The following QTMAN variants were observed in gnomAD, a reference collection of about 807,000 sequenced individuals.
QTMAN encodes the protein queuosine-tRNA mannosyltransferase, also known as tRNA-queuosine alpha-mannosyltransferase.
the QTMAN span, among the ~76,000 whole-genome samples, chr2:144,023,513 G>A: frequency 6.6e-6 from 1 of 152,226 alleles, no homozygotes; most frequent in Middle Eastern, 3.4e-3. Flanking sequence ...TTGCACATTG[G>A]TTGTTTACAG....
chr2:144,309,262 G>A, the QTMAN span, among the ~76,000 whole-genome samples: 1 of 152,210 alleles, frequency 6.6e-6, no homozygotes, highest in East Asian at 1.9e-4. Flanking sequence ...TTTTACTATT[G>A]AGTAATCAAC....
chr2:144,224,857 C>T, the QTMAN span, among the ~76,000 whole-genome samples: 1 of 152,024 alleles, frequency 6.6e-6, no homozygotes, highest in African/African-American at 2.4e-5. Flanking sequence ...TATCATGACC[C>T]AAATATAGTC....
At chr2:144,126,932 T>C in the QTMAN span, among the ~76,000 whole-genome samples, 6,739 of 152,134 alleles carry the variant, frequency 0.044, 500 homozygotes, top group African/African-American at 0.15. Flanking sequence ...TAGCTCTGGG[T>C]ATATTATTTG....
At chr2:143,970,844 AT>A in the QTMAN span, 3 of 764,766 alleles carry the variant, frequency 3.9e-6, no homozygotes, top group African/African-American at 1.8e-5. Flanking sequence ...TACAGTATCA[AT>A]TTTTTTCATG....
At chr2:144,187,503 C>T in the QTMAN span, among the ~76,000 whole-genome samples, 12 of 152,268 alleles carry the variant, frequency 7.9e-5, no homozygotes, top group South Asian at 2.1e-4. Flanking sequence ...CCACTTTCCA[C>T]GCTACCACAT....
the QTMAN span, among the ~76,000 whole-genome samples, chr2:144,226,651 C>T: frequency 6.6e-6 from 1 of 152,098 alleles, no homozygotes; most frequent in Non-Finnish European, 1.5e-5. Context: ...GAATTAAGTT[C>T]TATCCATGCA....
the QTMAN span, among the ~76,000 whole-genome samples, chr2:144,267,770 A>G: frequency 1.3e-5 from 2 of 152,174 alleles, no homozygotes; most frequent in African/African-American, 2.4e-5. Context: ...TGAAAGACAA[A>G]AAGAGAGAGA....
At chr2:144,155,396 A>G in the QTMAN span, among the ~76,000 whole-genome samples, 1 of 152,326 alleles carries the variant, frequency 6.6e-6, no homozygotes, top group East Asian at 1.9e-4. Context: ...TGTGCTGGGA[A>G]CACTTCATAT....
the QTMAN span, among the ~76,000 whole-genome samples, chr2:144,025,090 A>T: frequency 2.0e-5 from 3 of 152,224 alleles, no homozygotes; most frequent in Non-Finnish European, 4.4e-5. Context: ...AACGCTAAAC[A>T]GAGGTGCTAG....
chr2:144,330,635 T>C, the QTMAN span, among the ~76,000 whole-genome samples: 1 of 152,230 alleles, frequency 6.6e-6, no homozygotes, highest in African/African-American at 2.4e-5. Flanking sequence ...GGCATTTTAA[T>C]CTAATGGGTC....
the QTMAN span, among the ~76,000 whole-genome samples, chr2:144,221,972 A>T: frequency 6.6e-6 from 1 of 152,220 alleles, no homozygotes; most frequent in Non-Finnish European, 1.5e-5. Context: ...CTGAGGCTGT[A>T]CTTTGACAGT....
chr2:144,089,957 A>C, the QTMAN span, among the ~76,000 whole-genome samples: 3 of 152,192 alleles, frequency 2.0e-5, no homozygotes, highest in East Asian at 5.8e-4. Flanking sequence ...TACATGTAAC[A>C]AAATTTCACA....
chr2:144,254,398 G>T, the QTMAN span, among the ~76,000 whole-genome samples: 2 of 152,072 alleles, frequency 1.3e-5, no homozygotes, highest in African/African-American at 4.8e-5. Context: ...CTCCAGCCTG[G>T]GTGACAGGGT....
the QTMAN span, among the ~76,000 whole-genome samples, chr2:144,159,055 A>G: frequency 6.6e-6 from 1 of 152,204 alleles, no homozygotes; most frequent in East Asian, 1.9e-4. Flanking sequence ...CAATAATACA[A>G]AAAGGATTTG....
chr2:143,947,150 A>T, the QTMAN span: 1 of 1,584,534 alleles, frequency 6.3e-7, no homozygotes, highest in East Asian at 2.2e-5. Flanking sequence ...AACGAGGAGG[A>T]GGGAGAGAAG....
At chr2:143,994,809 G>A in the QTMAN span, among the ~76,000 whole-genome samples, 1 of 152,182 alleles carries the variant, frequency 6.6e-6, no homozygotes, top group Non-Finnish European at 1.5e-5. Flanking sequence ...AAACTGGACT[G>A]TGGGATAGTT....
the QTMAN span, among the ~76,000 whole-genome samples, chr2:144,268,912 C>T: frequency 6.6e-6 from 1 of 152,144 alleles, no homozygotes; most frequent in South Asian, 2.1e-4. Context: ...GCCCCAGCCT[C>T]CCGAGTAGCT....
At chr2:144,252,118 G>C in the QTMAN span, among the ~76,000 whole-genome samples, 1 of 152,250 alleles carries the variant, frequency 6.6e-6, no homozygotes, top group African/African-American at 2.4e-5. Context: ...TGTAATCCCA[G>C]AATTTTGGGA....
the QTMAN span, chr2:144,177,252 TAAAA>T: frequency 1.7e-6 from 1 of 583,586 alleles, no homozygotes; most frequent in Non-Finnish European, 3.0e-6. Context: ...TTGATCCCAA[TAAAA>T]AAAAAAAAAA....
Sources: gnomAD v4.1 joint callset for allele counts (sites outside exome capture counted in the v4.1 genomes callset) on GRCh38, gnomAD v4.1.1 for gene constraint, MANE v1.5 for transcripts, NCBI Gene and HGNC (gene_info 2026-07-23, HGNC 2026-07-21) for gene names.